Variants in RORA observed in about 807,000 individuals in gnomAD.
The protein encoded by RORA is nuclear receptor ROR-alpha.
RORA carries 7 observed loss-of-function variants against 69.5 expected under a neutral mutation model. The ratio of observed to expected loss-of-function variants is 0.10; its 90% CI spans 0.06 to 0.19. RORA has a LOEUF of 0.19. RORA is among the 10% of genes least tolerant of loss of function. The probability of loss-of-function intolerance (pLI) is 1.00; values close to 1 mark genes in which losing one functional copy is unlikely to be tolerated. For missense variants in RORA, 457 were observed against 663.0 expected, an observed-to-expected ratio of 0.69 and a Z score of 3.41; for synonymous variants, 261 against 240.8, an observed-to-expected ratio of 1.08 and a Z score of -0.78.
intron 1 of RORA, among the ~76,000 whole-genome samples, chr15:60,804,721 C>T (rs17270466): frequency 0.19 from 28,618 of 152,142 alleles, 3,302 homozygotes; most frequent in Non-Finnish European, 0.26. Flanking sequence ...TGAGATTAAA[C>T]AACCGATTTC....
rs1195307425 is a variant in RORA at position 60,577,668 on chromosome 15, A to G, written c.197-45817T>C. 2.0e-5 allele frequency among the ~76,000 whole-genome samples: 3 copies of G among 151,822 alleles called. No homozygotes were observed. The East Asian group carries it at 5.8e-4, about 29-fold the overall frequency. On this transcript the variant is annotated intron_variant, in intron 2 of 10. Coordinates refer to ENST00000335670, the MANE Select transcript of RORA (RefSeq NM_134261.3). ...CCAAAAAAAAAAAAAAAAAAGCTGC[A>G]AACAGCTTTTGTTTTTGTAGGTTAT...
chr15:61,166,035 G>T lies in RORA; in HGVS notation c.166+63018C>A, dbSNP rs117080246. ...GAAACCTTTACTCTTAATGCATGCA[G>T]GGCTGCCATCAGGTGCAAGATTTTC... On this transcript the variant is annotated intron_variant, in intron 1 of 10. Transcript: ENST00000335670. Among the ~76,000 whole-genome samples the T allele has an allele frequency of 2.9e-3, 449 of 152,350 alleles. 13 individuals are homozygous for T. The East Asian group carries it at 0.075, about 25-fold the overall frequency.
chr15:61,058,171 C>T (rs1485335357), intron 1 of RORA, among the ~76,000 whole-genome samples: 2 of 152,022 alleles, frequency 1.3e-5, no homozygotes, highest in Admixed American at 6.6e-5. Flanking sequence ...GATAAGAACC[C>T]GCAAGGTGTT....
At chr15:60,887,340 T>G (rs138451671) in intron 1 of RORA, among the ~76,000 whole-genome samples, 146 of 152,294 alleles carry the variant, frequency 9.6e-4, no homozygotes, top group Middle Eastern at 3.4e-3. Flanking sequence ...TGTCATGCTG[T>G]CATGGGGGGT....
chr15:60,558,333 A>C, intron 2 of RORA: 656 of 1,492,326 alleles, frequency 4.4e-4, no homozygotes, highest in Non-Finnish European at 5.4e-4. Context: ...AGCCTATCTC[A>C]AAAAAGCTAC....
intron 1 of RORA, among the ~76,000 whole-genome samples, chr15:60,925,354 T>C (rs1332062289): frequency 6.6e-6 from 1 of 152,076 alleles, no homozygotes; most frequent in Non-Finnish European, 1.5e-5. Flanking sequence ...ATTTGAAATG[T>C]CCCCATATTC....
intron 1 of RORA, among the ~76,000 whole-genome samples, chr15:61,134,353 T>C (rs1449728355): frequency 1.3e-5 from 2 of 152,228 alleles, no homozygotes; most frequent in Non-Finnish European, 2.9e-5. Flanking sequence ...GAGCATGGGC[T>C]CTGCAGACTG....
intron 1 of RORA, among the ~76,000 whole-genome samples, chr15:60,843,948 C>G (rs1317053748): frequency 6.6e-6 from 1 of 152,212 alleles, no homozygotes; most frequent in African/African-American, 2.4e-5. Context: ...TATACCTACT[C>G]TGCTCAGGGC....
chr15:60,937,309 T>A (rs935399704), intron 1 of RORA, among the ~76,000 whole-genome samples: 10 of 152,186 alleles, frequency 6.6e-5, no homozygotes, highest in African/African-American at 2.2e-4. Flanking sequence ...AGTATGGTTG[T>A]TGTTTAAGAG....
chr15:61,168,523 T>A (rs937233981), intron 1 of RORA, among the ~76,000 whole-genome samples: 4 of 152,124 alleles, frequency 2.6e-5, no homozygotes, highest in African/African-American at 9.7e-5. Flanking sequence ...CCTCCCAAAG[T>A]GCTGGGATTA....
intron 1 of RORA, among the ~76,000 whole-genome samples, chr15:60,903,145 C>A (rs546433458): frequency 1.3e-5 from 2 of 152,256 alleles, no homozygotes; most frequent in South Asian, 4.1e-4. Context: ...ATTCATCAAG[C>A]ACCAACCACA....
intron 2 of RORA, among the ~76,000 whole-genome samples, chr15:60,656,423 A>G (rs1406061883): frequency 1.3e-5 from 2 of 152,260 alleles, no homozygotes; most frequent in Admixed American, 6.5e-5. Context: ...ACACATGTAT[A>G]TAAAAAACTT....
intron 1 of RORA, among the ~76,000 whole-genome samples, chr15:61,132,924 C>T (rs1383314799): frequency 6.6e-6 from 1 of 152,134 alleles, no homozygotes; most frequent in Non-Finnish European, 1.5e-5. Context: ...CTATATATCT[C>T]TTTGTATCAA....
intron 2 of RORA, among the ~76,000 whole-genome samples, chr15:60,571,112 C>A (rs1032224001): frequency 1.3e-5 from 2 of 151,934 alleles, no homozygotes; most frequent in Admixed American, 6.6e-5. Context: ...GTTTACCCAT[C>A]TGTATTATCT....
intron 1 of RORA, among the ~76,000 whole-genome samples, chr15:61,022,555 G>T (rs540967397): frequency 2.0e-5 from 3 of 152,240 alleles, no homozygotes; most frequent in East Asian, 3.9e-4. Context: ...CACACATTCT[G>T]TTGATGCAAA....
intron 2 of RORA, among the ~76,000 whole-genome samples, chr15:60,565,016 C>T (rs943559457): frequency 7.2e-5 from 11 of 152,070 alleles, no homozygotes; most frequent in African/African-American, 2.4e-4. Context: ...TGTATTCTAC[C>T]AATATCTCAG....
In RORA at chr15:61,016,210, C is replaced by T. The variant is rs374302499; in HGVS notation, c.166+212843G>A. ...CTCTAAGACGGTGCTAATAATGGCA[C>T]TCTGCTTCATACAGTTCTTGAGGGA... On this transcript the variant is annotated intron_variant, in intron 1 of 10. Coordinates refer to ENST00000335670, the MANE Select transcript of RORA (RefSeq NM_134261.3). Among the ~76,000 whole-genome samples, 6 of 152,276 alleles carry T rather than the reference C, an allele frequency of 3.9e-5. No homozygotes were observed. The East Asian group carries it at 1.2e-3, about 29-fold the overall frequency.
chr15:60,542,569 GGC>G lies in RORA; in HGVS notation c.197-10720_197-10719del, dbSNP rs2066915970. 2.1e-5 allele frequency among the ~76,000 whole-genome samples: 2 copies of G among 96,448 alleles called. 1 individual carries two copies. The highest frequency in any genetic ancestry group is 1.8e-4 in the African/African-American group (2 of 11,100). 63.3% of individuals were successfully genotyped at this position (96,448 alleles called of 152,430 possible). The stretch of plus-strand genomic sequence containing the variant: ...GCACACATGCACACCTCACACACAC[GGC>G]ACGCATGCACACCTCACACACACGG... On this transcript the variant is annotated intron_variant, in intron 2 of 10. Transcript: ENST00000335670.
chr15:60,645,797 G>T (rs1024296288), intron 2 of RORA, among the ~76,000 whole-genome samples: 5 of 139,754 alleles, frequency 3.6e-5, no homozygotes, highest in South Asian at 2.2e-4. Context: ...GTGAAATAGG[G>T]TTTTTTTTTT....
Sources: gnomAD v4.1 joint callset for allele counts (sites outside exome capture counted in the v4.1 genomes callset) on GRCh38, gnomAD v4.1.1 for gene constraint, MANE v1.5 for transcripts, NCBI Gene and HGNC (gene_info 2026-07-23, HGNC 2026-07-21) for gene names.